SNX29: variants seen among roughly 807,000 people sequenced by gnomAD.
SNX29 encodes the protein sorting nexin-29.
SNX29 carries 78 observed loss-of-function variants against 102.1 expected under a neutral mutation model. The ratio of observed to expected loss-of-function variants is 0.76; its 90% CI spans 0.64 to 0.92. SNX29 has a LOEUF of 0.92. Among genes scored for constraint, SNX29 ranks in the 40% least tolerant of loss-of-function variants. The probability of loss-of-function intolerance (pLI) is 0.00; values close to 1 mark genes in which losing one functional copy is unlikely to be tolerated. For synonymous variants in SNX29, 580 were observed against 414.5 expected (o/e 1.40, Z -4.85); for missense variants, 1,280 against 1,061.7 (o/e 1.21, Z -2.86).
chr16:12,496,026 C>A (rs1304956359), intron 19 of SNX29, among the ~76,000 whole-genome samples: 4 of 151,890 alleles, frequency 2.6e-5, no homozygotes, highest in African/African-American at 9.7e-5. Context: ...CCAGCCTGGG[C>A]GACAGGATGA....
At position 12,380,112 on chromosome 16, in the gene SNX29, T is replaced by A. The variant is rs150877186; in HGVS notation, c.1900-18334T>A. Among the ~76,000 whole-genome samples the A allele has an allele frequency of 1.2e-4, 17 of 146,766 alleles. No homozygotes were observed. The East Asian group carries it at 2.9e-3, about 25-fold the overall frequency. The stretch of plus-strand genomic sequence containing the variant: ...CTTAACCTTGCAGAATGGAATTATC[T>A]GGAAGCTGCACCAGCACATGAGACC... On this transcript the variant is annotated intron_variant, in intron 16 of 20. Coordinates refer to ENST00000566228, the MANE Select transcript of SNX29 (RefSeq NM_032167.5).
chr16:12,476,421 T>A (rs9931178), intron 18 of SNX29, among the ~76,000 whole-genome samples: 1 of 51,980 alleles, frequency 1.9e-5, no homozygotes, highest in Non-Finnish European at 3.8e-5. Context: ...TACATATATA[T>A]ATATATATAT....
intron 4 of SNX29, among the ~76,000 whole-genome samples, chr16:12,042,130 A>G (rs1160090670): frequency 6.6e-6 from 1 of 152,086 alleles, no homozygotes; most frequent in Non-Finnish European, 1.5e-5. Flanking sequence ...TCCTGGGTTT[A>G]AGTGATTCTC....
At chr16:12,017,239 T>G (rs899346176) in intron 3 of SNX29, among the ~76,000 whole-genome samples, 1 of 152,244 alleles carries the variant, frequency 6.6e-6, no homozygotes, top group Non-Finnish European at 1.5e-5. Flanking sequence ...GCTAGCACTA[T>G]GATTGCTTTT....
intron 20 of SNX29, chr16:12,561,282 G>C (rs780891135): frequency 4.3e-6 from 1 of 230,318 alleles, no homozygotes; most frequent in Non-Finnish European, 8.6e-6. Context: ...TAAGACACAG[G>C]GAGAACATTC....
chr16:12,433,700 T>C (rs2085411831), intron 18 of SNX29, among the ~76,000 whole-genome samples: 1 of 150,882 alleles, frequency 6.6e-6, no homozygotes, highest in African/African-American at 2.4e-5. Flanking sequence ...GGTGCGTGCC[T>C]GTAATCCCAG....
chr16:12,062,732 A>C (rs1464656826), intron 9 of SNX29, among the ~76,000 whole-genome samples: 3 of 152,196 alleles, frequency 2.0e-5, no homozygotes, highest in Non-Finnish European at 4.4e-5. Context: ...ACTGGAGCCC[A>C]CTAATCACTC....
rs1242680311 is a variant in SNX29 at position 12,569,453 on chromosome 16, G to C, written c.*824G>C. On this transcript the variant is annotated 3_prime_UTR_variant, in exon 21 of 21. Transcript: ENST00000566228. Reference sequence around the variant, plus strand: ...TGTCCAAAGTAGCATTGGCCCTACAGTCATGAGAGACTTGGGTCAGGGAAC... The same window carrying C: ...TGTCCAAAGTAGCATTGGCCCTACACTCATGAGAGACTTGGGTCAGGGAAC... 1 of 231,192 alleles carries C rather than the reference G, an allele frequency of 4.3e-6. No individual in the cohort carries two copies. The highest frequency in any genetic ancestry group is 8.6e-6 in the Non-Finnish European group (1 of 116,856). 14.3% of individuals were successfully genotyped at this position (231,192 alleles called of 1,614,324 possible). A position where few individuals can be genotyped will look rare whatever the true frequency, so the allele number is the denominator to read the frequency against.
intron 13 of SNX29, among the ~76,000 whole-genome samples, chr16:12,168,252 A>C (rs2141721503): frequency 6.6e-6 from 1 of 152,290 alleles, no homozygotes; most frequent in Admixed American, 6.5e-5. Context: ...GGTGGAAGTG[A>C]CATTTGAGCA....
At chr16:12,402,459 G>T (rs1024916257) in intron 17 of SNX29, among the ~76,000 whole-genome samples, 1 of 152,212 alleles carries the variant, frequency 6.6e-6, no homozygotes, top group Non-Finnish European at 1.5e-5. Context: ...CTAATTAGAG[G>T]CGAAGGCCGG....
At chr16:12,278,102 A>G in intron 15 of SNX29, 66 bp downstream of exon 15, 1 of 1,413,688 alleles carries the variant, frequency 7.1e-7, no homozygotes, top group Non-Finnish European at 9.8e-7. Context: ...TTTCCAGGGT[A>G]GGTCCAGCCT....
chr16:12,494,292 C>A lies in SNX29; in HGVS notation c.2178+16433C>A, dbSNP rs560326937. On this transcript the variant is annotated intron_variant, in intron 19 of 20. Transcript: ENST00000566228. ...TCCCTGTGCCTCCTGCGTGCCTGGC[C>A]CCCGTTCCCTTTGCAGCCCCCAAAG... Among the ~76,000 whole-genome samples, 3 of 152,270 alleles carry A rather than the reference C, an allele frequency of 2.0e-5. No individual in the cohort carries two copies. The South Asian group carries it at 6.2e-4, about 32-fold the overall frequency.
chr16:12,551,416 C>T (rs552178724), intron 20 of SNX29, among the ~76,000 whole-genome samples: 105 of 152,300 alleles, frequency 6.9e-4, no homozygotes, highest in African/African-American at 2.4e-3. Flanking sequence ...GGGTCTCAGC[C>T]ACAGCTTGCA....
intron 19 of SNX29, among the ~76,000 whole-genome samples, chr16:12,519,755 G>A (rs1186014804): frequency 5.3e-5 from 8 of 152,182 alleles, no homozygotes; most frequent in Non-Finnish European, 8.8e-5. Flanking sequence ...TTGGGAGGCC[G>A]AGGCAGGTGG....
chr16:12,006,372 A>C (rs1420690827), intron 3 of SNX29, among the ~76,000 whole-genome samples: 1 of 151,896 alleles, frequency 6.6e-6, no homozygotes, highest in Admixed American at 6.6e-5. Context: ...AAAATTAGCC[A>C]GGCATGGTGG....
intron 15 of SNX29, among the ~76,000 whole-genome samples, chr16:12,354,860 A>C (rs996436690): frequency 7.9e-5 from 12 of 152,196 alleles, no homozygotes; most frequent in African/African-American, 2.9e-4. Flanking sequence ...AGCTGGCAGA[A>C]AGGCTCAGTG....
At chr16:12,409,898 G>C (rs2084325648) in intron 18 of SNX29, among the ~76,000 whole-genome samples, 1 of 152,162 alleles carries the variant, frequency 6.6e-6, no homozygotes, top group African/African-American at 2.4e-5. Flanking sequence ...ACAAATGCTG[G>C]CTGTTGTACA....
intron 11 of SNX29, among the ~76,000 whole-genome samples, chr16:12,117,823 C>T (rs184358852): frequency 1.2e-4 from 19 of 152,238 alleles, no homozygotes; most frequent in African/African-American, 3.4e-4. Context: ...TGGCGGGGCA[C>T]GGTGGCTCAC....
At chr16:12,530,912 C>T (rs577849936) in intron 20 of SNX29, among the ~76,000 whole-genome samples, 11 of 152,130 alleles carry the variant, frequency 7.2e-5, no homozygotes, top group African/African-American at 2.2e-4. Context: ...TAGTATCCAC[C>T]GTAATGGCTG....
Sources: gnomAD v4.1 joint callset for allele counts (sites outside exome capture counted in the v4.1 genomes callset) on GRCh38, gnomAD v4.1.1 for gene constraint, MANE v1.5 for transcripts, NCBI Gene and HGNC (gene_info 2026-07-23, HGNC 2026-07-21) for gene names.